CSMD1: variants seen among roughly 807,000 people sequenced by gnomAD.
CSMD1 encodes CUB and sushi domain-containing protein 1.
A neutral mutation model predicts 417.5 loss-of-function variants in CSMD1; 213 were observed. The observed-to-expected ratio is 0.51, with a 90% CI of 0.46 to 0.57. The LOEUF (loss-of-function observed/expected upper bound fraction) is 0.57, where lower values mean the gene tolerates loss of function less well. CSMD1 is among the 20% of genes least tolerant of loss of function. CSMD1 has a pLI of 0.00. For synonymous variants in CSMD1, 2,862 were observed against 1,736.8 expected (o/e 1.65, Z -16.11); for missense variants, 6,923 against 4,529.7 (o/e 1.53, Z -15.17).
rs1384876540 is a variant in CSMD1, at chr8:2,974,488, T to A, written c.8703A>T (p.Glu2901Asp). The change falls in exon 56 of 70, where the codon GAA (glutamate) becomes GAT (aspartate). Residue 2901 changes from glutamate to aspartate, a missense_variant. By Grantham distance (45) the Glu-to-Asp change is conservative. Transcript: ENST00000635120. ...GCAGTGCCCCGCTCCAGTGACTGTC[T>A]TCCTGGCACACTCTCGTGTCGTTGC... Reference protein sequence around the residue: ...LIGNDTRVCQEDSHWSGALPH... With the variant: ...LIGNDTRVCQDDSHWSGALPH... 3.1e-6 allele frequency: 5 copies of A among 1,612,922 alleles called. No individual in the cohort carries two copies. In the South Asian group the frequency reaches 3.3e-5, roughly 11 times the overall value.
At chr8:3,788,940 A>G (rs1175280024) in intron 5 of CSMD1, among the ~76,000 whole-genome samples, 3 of 152,172 alleles carry the variant, frequency 2.0e-5, no homozygotes, top group Non-Finnish European at 4.4e-5. Flanking sequence ...TATTTCCTAG[A>G]CAGTATTGTA....
intron 1 of CSMD1, among the ~76,000 whole-genome samples, chr8:4,688,232 G>A (rs148653322): frequency 2.9e-3 from 446 of 152,178 alleles, no homozygotes; most frequent in African/African-American, 9.9e-3. Flanking sequence ...TATATCTTAC[G>A]TCTTAGCTTC....
intron 5 of CSMD1, among the ~76,000 whole-genome samples, chr8:3,907,983 A>G (rs1808222690): frequency 6.6e-6 from 1 of 152,052 alleles, no homozygotes; most frequent in Non-Finnish European, 1.5e-5. Flanking sequence ...TGGGGCCAGA[A>G]ATGTGCTCTG....
intron 1 of CSMD1, among the ~76,000 whole-genome samples, chr8:4,654,641 A>T (rs1804115964): frequency 1.3e-5 from 2 of 152,148 alleles, no homozygotes. Context: ...GGTTGAAGTC[A>T]GCTTAGATTG....
chr8:3,005,410 T>A (rs899413531), intron 52 of CSMD1, among the ~76,000 whole-genome samples: 2 of 152,200 alleles, frequency 1.3e-5, no homozygotes, highest in Non-Finnish European at 2.9e-5. Context: ...GAATCCTCCC[T>A]AACTCATTTT....
At chr8:3,296,045 C>T (rs1036078091) in intron 25 of CSMD1, among the ~76,000 whole-genome samples, 3 of 151,916 alleles carry the variant, frequency 2.0e-5, no homozygotes, top group African/African-American at 7.3e-5. Flanking sequence ...CAGTCCACAG[C>T]ACCCATAACA....
chr8:4,099,390 G>A (rs994376804), intron 3 of CSMD1, among the ~76,000 whole-genome samples: 1 of 151,746 alleles, frequency 6.6e-6, no homozygotes, highest in African/African-American at 2.4e-5. Context: ...ACCTCCTATC[G>A]CTTACCTGAA....
chr8:3,706,418 G>A (rs1029832330), intron 7 of CSMD1, among the ~76,000 whole-genome samples: 8 of 152,072 alleles, frequency 5.3e-5, no homozygotes, highest in African/African-American at 1.9e-4. Context: ...CATTACCATT[G>A]ATTACCTTCC....
chr8:4,628,761 G>T (rs1802319516), intron 2 of CSMD1, among the ~76,000 whole-genome samples: 1 of 152,050 alleles, frequency 6.6e-6, no homozygotes. Flanking sequence ...GATACCCTTG[G>T]AGGAGCTTCC....
intron 2 of CSMD1, among the ~76,000 whole-genome samples, chr8:4,510,597 T>C (rs910003441): frequency 2.7e-5 from 4 of 146,430 alleles, no homozygotes; most frequent in African/African-American, 1.0e-4. Flanking sequence ...GCTTCCTTCC[T>C]TCTTGCCTTC....
rs114988152 is a variant in CSMD1 at position 3,432,477 on chromosome 8, A to C, written c.1562-22872T>G. Among the ~76,000 whole-genome samples, 1,286 of 148,038 alleles carry C rather than the reference A, an allele frequency of 8.7e-3. 13 individuals are homozygous for C. Among genetic ancestry groups the C allele is most frequent in the African/African-American group, 0.03 (1,196 of 40,170 alleles). On this transcript the variant is annotated intron_variant, in intron 12 of 69. Coordinates refer to ENST00000635120, the MANE Select transcript of CSMD1 (RefSeq NM_033225.6). ...AGAAAAGTTGTTACTCCTTCCCATT[A>C]CTGAAAGTTAAAAATTGTTTTCAAT...
intron 1 of CSMD1, among the ~76,000 whole-genome samples, chr8:4,911,534 G>C (rs1007417859): frequency 1.4e-4 from 22 of 152,244 alleles, no homozygotes; most frequent in African/African-American, 4.3e-4. Flanking sequence ...TTAATCCCAA[G>C]TCAGGGCCAA....
In CSMD1 at chr8:4,961,589, T is replaced by C. The variant is rs532297059; in HGVS notation, c.85+32743A>G. ...ACCATTGTTATCTAGTGCTCATGGT[T>C]ACTGTGAAATTCTGTGCCGTTTTGT... is the stretch of plus-strand genomic sequence containing the variant. On this transcript the variant is annotated intron_variant, in intron 1 of 69. Coordinates refer to ENST00000635120, the MANE Select transcript of CSMD1 (RefSeq NM_033225.6). 5.3e-5 allele frequency among the ~76,000 whole-genome samples: 8 copies of C among 152,326 alleles called. No individual in the cohort carries two copies. The East Asian group carries it at 1.4e-3, about 26-fold the overall frequency.
intron 2 of CSMD1, among the ~76,000 whole-genome samples, chr8:4,467,635 A>G (rs986918791): frequency 3.3e-5 from 5 of 152,230 alleles, no homozygotes; most frequent in Non-Finnish European, 5.9e-5. Context: ...GTTTTCTGAA[A>G]TATCTTGTTT....
intron 1 of CSMD1, among the ~76,000 whole-genome samples, chr8:4,826,025 T>G (rs930375459): frequency 3.9e-5 from 6 of 152,138 alleles, no homozygotes; most frequent in African/African-American, 1.2e-4. Flanking sequence ...GAACCCTTTT[T>G]CACTGTCCAT....
Position 3,907,937 on chromosome 8 carries a change from AT to A in CSMD1, c.818+89965del, listed in dbSNP as rs933798695. On this transcript the variant is annotated intron_variant, in intron 5 of 69. Transcript: ENST00000635120. ...GGAAACAACATGCATTCACTGATTG[AT>A]TTTTTTGGGGGGTGTGGGGAGAGTG... 5.3e-5 allele frequency among the ~76,000 whole-genome samples: 8 copies of A among 152,270 alleles called. No homozygotes were observed. The East Asian group carries it at 1.4e-3, about 26-fold the overall frequency.
At position 3,687,662 on chromosome 8, in the gene CSMD1, G is replaced by A. The variant is rs74478229; in HGVS notation, c.1009+20752C>T. On this transcript the variant is annotated intron_variant, in intron 7 of 69. Transcript: ENST00000635120. ...TGTTCATTTGTGCTGAGTGGCGCAC[G>A]CTAGGACCGAGGCTCCCTGAGCCCC... Among the ~76,000 whole-genome samples, 33 of 152,164 alleles carry A rather than the reference G, an allele frequency of 2.2e-4. 1 individual carries two copies. Among genetic ancestry groups the A allele is most frequent in the South Asian group, 2.1e-4 (1 of 4,832 alleles).
chr8:3,343,354 A>G lies in CSMD1; in HGVS notation c.3571T>C (p.Trp1191Arg), dbSNP rs977067609. ...LILNSTSNHLWLEFNTNGSDT... is the reference protein window; with the variant it reads ...LILNSTSNHLRLEFNTNGSDT... The stretch of plus-strand genomic sequence containing the variant: ...GATCCATTGGTGTTGAACTCTAGCC[A>G]CAGGTGATTGGATGTGCTGTTTAGG... Residue 1191 changes from tryptophan (W) to arginine (R), a missense_variant, in exon 23 of 70, where the codon TGG (tryptophan) becomes CGG (arginine). Coordinates refer to ENST00000635120, the MANE Select transcript of CSMD1 (RefSeq NM_033225.6). 19 of 1,613,746 alleles carry G rather than the reference A, an allele frequency of 1.2e-5. No individual in the cohort carries two copies. The highest frequency in any genetic ancestry group is 1.7e-5 in the Admixed American group (1 of 59,984).
intron 7 of CSMD1, among the ~76,000 whole-genome samples, chr8:3,679,104 G>C (rs76810012): frequency 1.3e-5 from 2 of 151,934 alleles, no homozygotes; most frequent in African/African-American, 2.4e-5. Flanking sequence ...GACCATCGAG[G>C]CTAGGAAGAA....
Sources: gnomAD v4.1 joint callset for allele counts (sites outside exome capture counted in the v4.1 genomes callset) on GRCh38, gnomAD v4.1.1 for gene constraint, MANE v1.5 for transcripts, NCBI Gene and HGNC (gene_info 2026-07-23, HGNC 2026-07-21) for gene names.